Variants in SIRT7 observed in about 807,000 individuals in gnomAD.
SIRT7 encodes NAD-dependent protein deacetylase sirtuin-7.
In SIRT7, 32 loss-of-function variants were observed where a neutral mutation model predicts 42.8. That is an observed-to-expected ratio of 0.75 (90% CI 0.56 to 1.00). The LOEUF (loss-of-function observed/expected upper bound fraction) is 1.00. Ranked by LOEUF, SIRT7 falls within the 50% of genes least tolerant of loss-of-function variation. SIRT7 has a pLI of 0.00. For synonymous variants in SIRT7, 297 were observed against 245.2 expected (o/e 1.21, Z -1.97); for missense variants, 553 against 572.2 (o/e 0.97, Z 0.34).
chr17:81,915,277 G>A, intron 5 of SIRT7, 163 bp downstream of exon 5: 1 of 704,224 alleles, frequency 1.4e-6, no homozygotes, highest in Non-Finnish European at 2.4e-6. Context: ...CTGTCCTGGA[G>A]AGTCAAGCAC....
rs978631884 is a variant in SIRT7, at chr17:81,914,643, G to A, written c.540C>T (p.Arg180=). The A allele has an allele frequency of 2.4e-5, 38 of 1,613,014 alleles. No homozygotes were observed. Among genetic ancestry groups the A allele is most frequent in the Non-Finnish European group, 2.9e-5 (34 of 1,180,020 alleles). The change falls in exon 6 of 10, where the codon CGC becomes CGT. Residue 180 remains arginine, a synonymous_variant. Transcript: ENST00000328666. ...DGLHLRSGLP[R]TAISELHGNM... ...TCCCGTGGAGCTCGGAGATGGCCGT[G>A]CGCGGCAGCCCACTCCTCAGGTGGA...
chr17:81,912,633 G>A lies in SIRT7; in HGVS notation c.1005-19C>T, dbSNP rs373659511. The A allele has an allele frequency of 2.9e-5, 47 of 1,605,272 alleles. No homozygotes were observed. The Middle Eastern group carries it at 6.8e-4, about 23-fold the overall frequency. On this transcript the variant is annotated intron_variant, in intron 9 of 9. Coordinates refer to ENST00000328666, the MANE Select transcript of SIRT7 (RefSeq NM_016538.3). ...CTGCCACCTGCCAAAAAGGGAAAGC[G>A]GCATCAGGCGGGCCTGGGAGCCTCT...
Position 81,914,508 on chromosome 17 carries a change from T to C in SIRT7, c.602A>G (p.Asn201Ser). The change falls in exon 7 of 10, where the codon AAC becomes AGC. Residue 201 changes from asparagine (N) to serine (S), a missense_variant. Coordinates refer to ENST00000328666, the MANE Select transcript of SIRT7 (RefSeq NM_016538.3). Reference sequence around the variant, plus strand: ...ATCGAACACCCGCACGTACTCCCTGTTGGGAACGCAGGAGGTACAGACCTA... The same window carrying C: ...ATCGAACACCCGCACGTACTCCCTGCTGGGAACGCAGGAGGTACAGACCTA... ...YIEVCTSCVP[N>S]REYVRVFDVT... 6.2e-7 allele frequency: 1 copy of C among 1,613,206 alleles called. No individual in the cohort carries two copies.
chr17:81,915,605 G>T lies in SIRT7; in HGVS notation c.407+6C>A, dbSNP rs376434376. On this transcript the variant is annotated splice_donor_region_variant and intron_variant, in intron 4 of 9. Coordinates refer to ENST00000328666, the MANE Select transcript of SIRT7 (RefSeq NM_016538.3). ...CTATGTGGGAGGCCATGCCTGGCCC[G>T]CTTACCTAACGCTTCTCCCTTTCTG... 6.2e-7 allele frequency: 1 copy of T among 1,613,728 alleles called. No individual in the cohort carries two copies. The highest frequency in any genetic ancestry group is 8.5e-7 in the Non-Finnish European group (1 of 1,179,908).
rs1433027909 is a variant in SIRT7 at position 81,912,092 on chromosome 17, G to A, written c.*324C>T. The A allele has an allele frequency of 6.8e-6, 3 of 442,938 alleles. No homozygotes were observed. The East Asian group carries it at 1.5e-4, about 22-fold the overall frequency. The allele number at this position is 442,938 out of a possible 1,614,324, so 27.4% of individuals were successfully genotyped here. On this transcript the variant is annotated 3_prime_UTR_variant, in exon 10 of 10. Transcript: ENST00000328666. Reference sequence around the variant, plus strand: ...AGAAATACGGTGAGGCCCTGAGACTGGCCTGGTGAGCGAGGAAAGGCCGCT... The same window carrying A: ...AGAAATACGGTGAGGCCCTGAGACTAGCCTGGTGAGCGAGGAAAGGCCGCT...
At position 81,912,549 on chromosome 17, in the gene SIRT7, C is replaced by T. The variant is rs200734338; in HGVS notation, c.1070G>A (p.Arg357Gln). ...CTCTCTGCTTCTGCACAGCGACTTC[C>T]GACTGTGGCTGCCTTCTTCACCAGC... The part of the protein sequence containing the change: ...LRAGEEGSHS[R>Q]KSLCRSREEA... The change falls in exon 10 of 10, where the codon CGG becomes CAG. Residue 357 changes from arginine (R) to glutamine (Q), a missense_variant. Transcript: ENST00000328666. The T allele has an allele frequency of 6.2e-6, 10 of 1,613,754 alleles. No homozygotes were observed. The highest frequency in any genetic ancestry group is 1.7e-5 in the Admixed American group (1 of 60,012).
At chr17:81,917,395 G>A (rs1319201463) in intron 3 of SIRT7, 1 of 434,412 alleles carries the variant, frequency 2.3e-6, no homozygotes, top group African/African-American at 2.0e-5. Context: ...GGGTGCCTGC[G>A]AGCAGTCGGC....
Position 81,917,831 on chromosome 17 carries a change from T to G in SIRT7, c.230A>C (p.Glu77Ala), listed in dbSNP as rs1416732140. 2 of 1,434,128 alleles carry G rather than the reference T, an allele frequency of 1.4e-6. No homozygotes were observed. Among genetic ancestry groups the G allele is most frequent in the South Asian group, 2.8e-5 (2 of 71,256 alleles). The allele number at this position is 1,434,128 out of a possible 1,614,324, so 88.8% of individuals were successfully genotyped here. A position where few individuals can be genotyped will look rare whatever the true frequency, so the allele number is the denominator to read the frequency against. The change falls in exon 2 of 10, where the codon GAG becomes GCG. Residue 77 changes from glutamate (E) to alanine (A), a missense_variant and splice_region_variant. Transcript: ENST00000328666. ...CCGCGCGCCGCACGCGGAACTCGCC[T>G]CCTCCTGCCGCCGCTTCAGGCCCTC... ...RREGLKRRQE[E>A]VCDDPEELRG...
Position 81,915,688 on chromosome 17 carries a change from G to A in SIRT7, c.337-7C>T. The A allele has an allele frequency of 2.5e-6, 4 of 1,613,614 alleles. No homozygotes were observed. Among genetic ancestry groups the A allele is most frequent in the Non-Finnish European group, 2.5e-6 (3 of 1,179,900 alleles). On this transcript the variant is annotated splice_region_variant and splice_polypyrimidine_tract_variant and intron_variant, in intron 3 of 9. Transcript: ENST00000328666. ...AGTCTGGGATAGACGCTGCCTGCAT[G>A]TCGAGAAAAAAGGTAAGCCAAGTCA...
Position 81,913,785 on chromosome 17 carries a change from G to C in SIRT7, c.993C>G (p.Pro331=). ...LLMAELGLEI[P]AYSRWQDPIF... The stretch of plus-strand genomic sequence containing the variant: ...AGCGGCTCACTCACCTGCTATAGGC[G>C]GGGATCTCCAAGCCCAGCTCGGCCA... The change falls in exon 9 of 10, where the codon CCC becomes CCG. Residue 331 remains proline (P), a synonymous_variant. Transcript: ENST00000328666. This position sits in a 1 kb window ranked among gnomAD's most constrained non-coding sequence, Gnocchi z 5.0. 6.5e-7 allele frequency: 1 copy of C among 1,548,712 alleles called. No homozygotes were observed. Among genetic ancestry groups the C allele is most frequent in the African/African-American group, 1.4e-5 (1 of 73,122 alleles).
intron 5 of SIRT7, chr17:81,914,979 GGGAAGTGGCTCGGGGTTT>G (rs1223216450): frequency 1.9e-6 from 1 of 533,712 alleles, no homozygotes; most frequent in Admixed American, 3.2e-5. Context: ...CGGCAAGGTT[GGGAAGTGGCTCGGGGTTT>G]GGCAAGGGCC....
Position 81,917,824 on chromosome 17 carries a change from ACTCGC to A in SIRT7, c.231+1_231+5del. On this transcript the variant is annotated splice_donor_variant and splice_donor_5th_base_variant and intron_variant, in intron 2 of 9. Coordinates refer to ENST00000328666, the MANE Select transcript of SIRT7 (RefSeq NM_016538.3). LOFTEE classifies it high-confidence loss of function. ...GGGGCGCCCGCGCGCCGCACGCGGAACTCGCCTCCTCCTGCCGCCGCTTCAGGCCC... is the reference window on the plus strand; with the variant it reads ...GGGGCGCCCGCGCGCCGCACGCGGAACTCCTCCTGCCGCCGCTTCAGGCCC... The A allele has an allele frequency of 1.4e-6, 2 of 1,425,774 alleles. No individual in the cohort carries two copies. The highest frequency in any genetic ancestry group is 1.8e-6 in the Non-Finnish European group (2 of 1,095,294). The allele number at this position is 1,425,774 out of a possible 1,614,324, so 88.3% of individuals were successfully genotyped here. A position where few individuals can be genotyped will look rare whatever the true frequency, so the allele number is the denominator to read the frequency against.
intron 9 of SIRT7, chr17:81,912,964 C>G (rs1403412387): frequency 2.5e-6 from 1 of 398,330 alleles, no homozygotes; most frequent in Non-Finnish European, 4.7e-6. Flanking sequence ...AACTCTGGGC[C>G]CCACCTTCCA....
In SIRT7 at chr17:81,913,377, G is replaced by A. The variant is rs1056544478; in HGVS notation, c.1004+397C>T. 2 of 449,892 alleles carry A rather than the reference G, an allele frequency of 4.4e-6. No homozygotes were observed. The highest frequency in any genetic ancestry group is 2.5e-5 in the Admixed American group (1 of 39,756). The allele number at this position is 449,892 out of a possible 1,614,324, so 27.9% of individuals were successfully genotyped here. A position where few individuals can be genotyped will look rare whatever the true frequency, so the allele number is the denominator to read the frequency against. On this transcript the variant is annotated intron_variant, in intron 9 of 9. Coordinates refer to ENST00000328666, the MANE Select transcript of SIRT7 (RefSeq NM_016538.3). The surrounding 1 kb of genome is among the most constrained non-coding windows in gnomAD (Gnocchi z 5.0). ...AAATTATCACAAATTCTGTATTAAG[G>A]CACAGTTTGTTTAAGCTTTCCCAAA...
rs1334367888 is a variant in SIRT7, at chr17:81,917,803, C to T, written c.231+27G>A. The T allele has an allele frequency of 1.4e-5, 19 of 1,405,052 alleles. 1 individual carries two copies. Among genetic ancestry groups the T allele is most frequent in the Non-Finnish European group, 1.7e-5 (18 of 1,085,972 alleles). 87.0% of individuals were successfully genotyped at this position (1,405,052 alleles called of 1,614,324 possible). On this transcript the variant is annotated intron_variant, in intron 2 of 9. Coordinates refer to ENST00000328666, the MANE Select transcript of SIRT7 (RefSeq NM_016538.3). ...CCCCAGCTGCTCCCGAAACCGGGGG[C>T]GCCCGCGCGCCGCACGCGGAACTCG... is the stretch of plus-strand genomic sequence containing the variant.
At position 81,912,158 on chromosome 17, in the gene SIRT7, G is replaced by T. The variant is rs867049765; in HGVS notation, c.*258C>A. On this transcript the variant is annotated 3_prime_UTR_variant, in exon 10 of 10. Coordinates refer to ENST00000328666, the MANE Select transcript of SIRT7 (RefSeq NM_016538.3). ...GCAGGCCGGGGCTGAAATAACCCGAGTTCCGTTCTCACAGAAAGGTGCGGC... is the reference window on the plus strand; with the variant it reads ...GCAGGCCGGGGCTGAAATAACCCGATTTCCGTTCTCACAGAAAGGTGCGGC... 3.6e-6 allele frequency: 2 copies of T among 551,822 alleles called. No individual in the cohort carries two copies. The highest frequency in any genetic ancestry group is 2.0e-5 in the South Asian group (1 of 49,478). The allele number at this position is 551,822 out of a possible 1,614,324, so 34.2% of individuals were successfully genotyped here.
chr17:81,917,436 G>A, intron 3 of SIRT7, 179 bp downstream of exon 3: 1 of 528,544 alleles, frequency 1.9e-6, no homozygotes, highest in Non-Finnish European at 3.1e-6. Flanking sequence ...TCTACTCCTT[G>A]TTTTTTTTAA....
At position 81,914,279 on chromosome 17, in the gene SIRT7, G is replaced by C; in HGVS notation, c.816+15C>G. ...GGCAGGGGCTCGGTTCACTCATTGT[G>C]TCATCGGCACGTACCTTCAGGCTGG... On this transcript the variant is annotated intron_variant, in intron 7 of 9. Coordinates refer to ENST00000328666, the MANE Select transcript of SIRT7 (RefSeq NM_016538.3). 6.2e-7 allele frequency: 1 copy of C among 1,612,920 alleles called. No individual in the cohort carries two copies. The highest frequency in any genetic ancestry group is 8.5e-7 in the Non-Finnish European group (1 of 1,179,782).
intron 3 of SIRT7, 55 bp from the exon 4 acceptor site, chr17:81,915,736 G>T: frequency 6.3e-7 from 1 of 1,583,304 alleles, no homozygotes; most frequent in Non-Finnish European, 8.6e-7. Flanking sequence ...GTAGGTACTG[G>T]CAGAATTCCC....
Sources: allele counts gnomAD v4.1 joint callset, GRCh38; gene constraint gnomAD v4.1.1; non-coding constraint Gnocchi (gnomAD v3.1); transcripts MANE v1.5; gene names NCBI Gene and HGNC (gene_info 2026-07-23, HGNC 2026-07-21).